HOMER1: variants seen among roughly 807,000 people sequenced by gnomAD.
HOMER1 encodes the protein homer protein homolog 1.
In HOMER1, 3 loss-of-function variants were observed where a neutral mutation model predicts 48.9. The observed-to-expected ratio is 0.06, with a 90% CI of 0.03 to 0.16. The LOEUF (loss-of-function observed/expected upper bound fraction) is 0.16. Among genes scored for constraint, HOMER1 ranks in the 10% least tolerant of loss-of-function variants. The pLI is 1.00. For missense variants in HOMER1, 247 were observed against 411.4 expected (o/e 0.60, Z 3.46); for synonymous variants, 134 against 146.4 (o/e 0.92, Z 0.61).
intron 5 of HOMER1, among the ~76,000 whole-genome samples, 191 bp downstream of exon 5, chr5:79,438,819 T>C (rs1750664162): frequency 6.9e-6 from 1 of 145,110 alleles, no homozygotes; most frequent in Admixed American, 7.0e-5. Context: ...TATGCAACTA[T>C]AAACTATAAA....
intron 1 of HOMER1, among the ~76,000 whole-genome samples, chr5:79,500,927 T>G (rs1432164173): frequency 8.0e-6 from 1 of 124,324 alleles, no homozygotes; most frequent in African/African-American, 3.7e-5. Context: ...ACCCAGCCAT[T>G]TGTGTGTGTG....
intron 5 of HOMER1, among the ~76,000 whole-genome samples, chr5:79,405,049 T>A (rs1218763726): frequency 6.6e-6 from 1 of 152,008 alleles, no homozygotes; most frequent in African/African-American, 2.4e-5. Flanking sequence ...CTGAACTGTG[T>A]CCCTCCAAAA....
chr5:79,468,011 C>A (rs1034776608), intron 1 of HOMER1, among the ~76,000 whole-genome samples: 1 of 152,190 alleles, frequency 6.6e-6, no homozygotes, highest in Middle Eastern at 3.4e-3. Context: ...TGGGCTCATG[C>A]GATCCTCTCA....
chr5:79,413,134 G>A lies in HOMER1; in HGVS notation c.528-11079C>T, dbSNP rs113116107. Among the ~76,000 whole-genome samples, 472 of 152,280 alleles carry A rather than the reference G, an allele frequency of 3.1e-3. 4 individuals carry two copies. The highest frequency in any genetic ancestry group is 0.011 in the African/African-American group (442 of 41,556). On this transcript the variant is annotated intron_variant, in intron 5 of 8. Transcript: ENST00000334082. ...AAAAATGGGAGAAAAATTTGATAGA[G>A]CCCCAGGAACCTGTGGGAAATACTA...
Position 79,460,086 on chromosome 5 carries a change from C to T in HOMER1, c.6-3068G>A, listed in dbSNP as rs150666800. Among the ~76,000 whole-genome samples, 630 of 152,190 alleles carry T rather than the reference C, an allele frequency of 4.1e-3. 4 individuals carry two copies. Among genetic ancestry groups the T allele is most frequent in the African/African-American group, 0.013 (556 of 41,512 alleles). ...CCCAGGCTGGTCTTGAAGTCTTGGC[C>T]TCAAGCAATCCTCCCACCTCAGCTT... On this transcript the variant is annotated intron_variant, in intron 1 of 8. Transcript: ENST00000334082.
intron 5 of HOMER1, among the ~76,000 whole-genome samples, chr5:79,412,041 C>T (rs1370781729): frequency 2.0e-5 from 3 of 152,164 alleles, no homozygotes; most frequent in African/African-American, 7.2e-5. Flanking sequence ...ATTGCTTGAA[C>T]CTGGGAGGTG....
chr5:79,415,768 C>T lies in HOMER1; in HGVS notation c.528-13713G>A, dbSNP rs191080324. The stretch of plus-strand genomic sequence containing the variant: ...TCACTCTATAAATATTTCTGAGTTT[C>T]GAAGAATTTTATTAAACATCTGTAT... On this transcript the variant is annotated intron_variant, in intron 5 of 8. Coordinates refer to ENST00000334082, the MANE Select transcript of HOMER1 (RefSeq NM_004272.5). 1.8e-3 allele frequency among the ~76,000 whole-genome samples: 281 copies of T among 152,192 alleles called. 1 individual carries two copies. The highest frequency in any genetic ancestry group is 3.0e-3 in the Admixed American group (46 of 15,286).
chr5:79,503,968 T>C (rs1326777328), intron 1 of HOMER1, among the ~76,000 whole-genome samples: 2 of 152,168 alleles, frequency 1.3e-5, no homozygotes, highest in East Asian at 3.8e-4. Context: ...TACTAAAATG[T>C]TGCAAAATAC....
intron 1 of HOMER1, among the ~76,000 whole-genome samples, chr5:79,482,425 A>G (rs1751974038): frequency 6.6e-6 from 1 of 152,184 alleles, no homozygotes; most frequent in Non-Finnish European, 1.5e-5. Flanking sequence ...CATGTTCAAT[A>G]AGGTAGACGA....
intron 5 of HOMER1, among the ~76,000 whole-genome samples, chr5:79,420,722 T>TA (rs752824654): frequency 1.3e-5 from 2 of 152,144 alleles, no homozygotes; most frequent in Non-Finnish European, 2.9e-5. Context: ...GGACTGTTCT[T>TA]AGAGTTTCCA....
intron 5 of HOMER1, among the ~76,000 whole-genome samples, chr5:79,415,609 T>C (rs1234761926): frequency 6.6e-6 from 1 of 152,224 alleles, no homozygotes; most frequent in Non-Finnish European, 1.5e-5. Context: ...ACGATATTTT[T>C]TCTTGGTGTA....
chr5:79,472,082 G>A (rs987812744), intron 1 of HOMER1, among the ~76,000 whole-genome samples: 1 of 152,052 alleles, frequency 6.6e-6, no homozygotes, highest in Non-Finnish European at 1.5e-5. Context: ...TTTCCCCCAA[G>A]TAAAGTATAA....
At chr5:79,479,473 GA>G (rs1385322850) in intron 1 of HOMER1, among the ~76,000 whole-genome samples, 1 of 152,168 alleles carries the variant, frequency 6.6e-6, no homozygotes, top group African/African-American at 2.4e-5. Flanking sequence ...GATGAAGGAA[GA>G]TACAGATTTG....
chr5:79,448,356 A>G (rs1750941555), intron 3 of HOMER1, among the ~76,000 whole-genome samples: 1 of 152,206 alleles, frequency 6.6e-6, no homozygotes, highest in South Asian at 2.1e-4. Context: ...CACAATAGTT[A>G]ATCTTTAAAA....
intron 5 of HOMER1, among the ~76,000 whole-genome samples, chr5:79,434,091 T>C (rs1163600799): frequency 1.3e-5 from 2 of 152,140 alleles, no homozygotes; most frequent in Non-Finnish European, 2.9e-5. Context: ...ATCAAACTGT[T>C]ATTAAAATTT....
intron 2 of HOMER1, among the ~76,000 whole-genome samples, chr5:79,455,212 C>A (rs1406771569): frequency 6.6e-6 from 1 of 151,996 alleles, no homozygotes; most frequent in African/African-American, 2.4e-5. Context: ...GCTAGAATTA[C>A]AGGCACAAAC....
At chr5:79,392,949 G>C (rs958883673) in intron 8 of HOMER1, among the ~76,000 whole-genome samples, 4 of 103,398 alleles carry the variant, frequency 3.9e-5, no homozygotes. Flanking sequence ...GAAAAGAAGG[G>C]AAAGGGAGAG....
rs1752118913 is a variant in HOMER1 at position 79,486,879 on chromosome 5, G to A, written c.5+25891C>T. 2.0e-5 allele frequency among the ~76,000 whole-genome samples: 3 copies of A among 152,206 alleles called. No homozygotes were observed. In the South Asian group the frequency reaches 6.2e-4, roughly 31 times the overall value. On this transcript the variant is annotated intron_variant, in intron 1 of 8. Coordinates refer to ENST00000334082, the MANE Select transcript of HOMER1 (RefSeq NM_004272.5). ...TATGTAATCCATTTTATATTTAAAA[G>A]ATCATTCTCGCTGCATACAGAGAAC...
chr5:79,410,494 AAAAAAAAAAAAAAG>A (rs1395175323), intron 5 of HOMER1, among the ~76,000 whole-genome samples: 1 of 151,064 alleles, frequency 6.6e-6, no homozygotes, highest in African/African-American at 2.4e-5. Flanking sequence ...TATCTCAAAA[AAAAAAAAAAAAAAG>A]AAAAAAGAAA....
Sources: gnomAD v4.1 joint callset for allele counts (sites outside exome capture counted in the v4.1 genomes callset) on GRCh38, gnomAD v4.1.1 for gene constraint, MANE v1.5 for transcripts, NCBI Gene and HGNC (gene_info 2026-07-23, HGNC 2026-07-21) for gene names.